Variants in NAALADL2 observed in about 807,000 individuals in gnomAD.
NAALADL2 encodes N-acetylated alpha-linked acidic dipeptidase like 2.
In NAALADL2, 76 loss-of-function variants were observed where a neutral mutation model predicts 87.2. The ratio of observed to expected loss-of-function variants is 0.87; its 90% CI spans 0.72 to 1.05. The LOEUF (loss-of-function observed/expected upper bound fraction) is 1.05. Among genes scored for constraint, NAALADL2 ranks in the 50% least tolerant of loss-of-function variants. The pLI, the probability that NAALADL2 is intolerant of heterozygous loss-of-function variation, is 0.00. For synonymous variants in NAALADL2, 354 were observed against 331.0 expected (o/e 1.07, Z -0.75); for missense variants, 1,089 against 945.8 (o/e 1.15, Z -1.99).
chr3:175,576,236 C>A, intron 10 of NAALADL2, 49 bp downstream of exon 10: 1 of 1,514,644 alleles, frequency 6.6e-7, no homozygotes, highest in Non-Finnish European at 8.9e-7. Flanking sequence ...TATAGTAGAC[C>A]TGCAGAATTT....
At chr3:175,714,283 C>G (rs1285132602) in intron 11 of NAALADL2, among the ~76,000 whole-genome samples, 1 of 152,100 alleles carries the variant, frequency 6.6e-6, no homozygotes, top group East Asian at 1.9e-4. Context: ...ATTTCTGGTT[C>G]TAGATCCTTG....
intron 2 of NAALADL2, among the ~76,000 whole-genome samples, chr3:175,165,555 A>C (rs2108871847): frequency 6.6e-6 from 1 of 152,322 alleles, no homozygotes; most frequent in Admixed American, 6.5e-5. Context: ...GAAAAAAAAT[A>C]TAATGGTGGT....
chr3:174,879,907 AT>A (rs1170144855), intron 1 of NAALADL2, among the ~76,000 whole-genome samples: 1 of 151,980 alleles, frequency 6.6e-6, no homozygotes, highest in African/African-American at 2.4e-5. Flanking sequence ...TGCTTGATCT[AT>A]GAGCAACACT....
chr3:175,335,581 A>C (rs1043175214), intron 5 of NAALADL2, among the ~76,000 whole-genome samples: 16 of 152,236 alleles, frequency 1.1e-4, no homozygotes, highest in African/African-American at 3.9e-4. Flanking sequence ...TTCTATTTTT[A>C]GAATTCTCTG....
chr3:175,295,718 A>ACACAC (rs1553851707), intron 4 of NAALADL2, among the ~76,000 whole-genome samples: 3,603 of 143,730 alleles, frequency 0.025, 50 homozygotes, highest in East Asian at 0.038. Context: ...CATGCACACA[A>ACACAC]ACACACACAC....
At chr3:174,920,288 T>A (rs1470168381) in intron 1 of NAALADL2, among the ~76,000 whole-genome samples, 1 of 152,228 alleles carries the variant, frequency 6.6e-6, no homozygotes, top group African/African-American at 2.4e-5. Flanking sequence ...CATAAGACTG[T>A]TTTGTCTCCA....
intron 2 of NAALADL2, among the ~76,000 whole-genome samples, chr3:175,176,501 C>A (rs1376843677): frequency 6.6e-6 from 1 of 152,008 alleles, no homozygotes; most frequent in Non-Finnish European, 1.5e-5. Flanking sequence ...ACATTCTAAC[C>A]CCTGTAACCT....
At chr3:175,049,410 A>C (rs560422243) in intron 1 of NAALADL2, among the ~76,000 whole-genome samples, 1 of 152,114 alleles carries the variant, frequency 6.6e-6, no homozygotes, top group East Asian at 1.9e-4. Flanking sequence ...ACCAGAGATA[A>C]GGAAGAGTTT....
intron 3 of NAALADL2, among the ~76,000 whole-genome samples, chr3:174,755,929 T>C (rs73048152): frequency 0.031 from 4,770 of 152,324 alleles, 255 homozygotes; most frequent in African/African-American, 0.11. Flanking sequence ...CATAGGCCCA[T>C]TGTGTAGGCA....
intron 2 of NAALADL2, among the ~76,000 whole-genome samples, chr3:175,120,191 T>C (rs1289534949): frequency 1.3e-5 from 2 of 151,670 alleles, no homozygotes; most frequent in African/African-American, 4.8e-5. Flanking sequence ...GATCAGATAA[T>C]ACTTGTGTTT....
intron 9 of NAALADL2, among the ~76,000 whole-genome samples, chr3:175,543,106 G>A (rs1283198441): frequency 6.6e-6 from 1 of 152,112 alleles, no homozygotes; most frequent in African/African-American, 2.4e-5. Flanking sequence ...CTAAAGAGAA[G>A]CAACTCACTG....
At chr3:174,853,807 T>C (rs1036877542) in intron 3 of NAALADL2, among the ~76,000 whole-genome samples, 1 of 152,162 alleles carries the variant, frequency 6.6e-6, no homozygotes, top group African/African-American at 2.4e-5. Context: ...ATCAGAGATA[T>C]GCAAATCAAA....
At chr3:174,615,759 G>A (rs1304324100) in intron 2 of NAALADL2, among the ~76,000 whole-genome samples, 1 of 151,800 alleles carries the variant, frequency 6.6e-6, no homozygotes, top group Non-Finnish European at 1.5e-5. Context: ...TGTTAACTCT[G>A]GGATCAGTAC....
intron 11 of NAALADL2, among the ~76,000 whole-genome samples, chr3:175,669,748 T>C (rs981766944): frequency 2.6e-5 from 4 of 151,966 alleles, no homozygotes; most frequent in Admixed American, 6.6e-5. Flanking sequence ...AAGTGAATAG[T>C]TTCCCAAATG....
chr3:175,773,325 ATAGTT>A (rs1488718004), intron 13 of NAALADL2: 1 of 152,056 alleles, frequency 6.6e-6, no homozygotes, highest in Non-Finnish European at 1.5e-5. Flanking sequence ...AAATGAATGA[ATAGTT>A]TAGTTTTCTG....
At chr3:175,158,653 A>AT (rs1732686812) in intron 2 of NAALADL2, among the ~76,000 whole-genome samples, 1 of 152,084 alleles carries the variant, frequency 6.6e-6, no homozygotes, top group African/African-American at 2.4e-5. Flanking sequence ...TATTTTAAAT[A>AT]TTTTTGTCTT....
chr3:175,274,717 A>G (rs1753331679), intron 4 of NAALADL2, among the ~76,000 whole-genome samples: 1 of 152,168 alleles, frequency 6.6e-6, no homozygotes, highest in Non-Finnish European at 1.5e-5. Flanking sequence ...TAAAATTAAT[A>G]TAATAATATT....
At chr3:174,794,780 T>C (rs1271069008) in intron 3 of NAALADL2, among the ~76,000 whole-genome samples, 2 of 152,140 alleles carry the variant, frequency 1.3e-5, no homozygotes, top group African/African-American at 4.8e-5. Flanking sequence ...GTCTTAGCAC[T>C]ATAAGTAAGA....
chr3:175,578,103 C>CT (rs138558746), intron 10 of NAALADL2, among the ~76,000 whole-genome samples: 15 of 151,520 alleles, frequency 9.9e-5, no homozygotes, highest in East Asian at 3.9e-4. Context: ...TGGGCTTCTG[C>CT]TTTTTTTTAA....
Sources: gnomAD v4.1 joint callset for allele counts (sites outside exome capture counted in the v4.1 genomes callset) on GRCh38, gnomAD v4.1.1 for gene constraint, MANE v1.5 for transcripts, NCBI Gene and HGNC (gene_info 2026-07-23, HGNC 2026-07-21) for gene names.